The following TBCD variants were observed in gnomAD, a reference collection of about 807,000 sequenced individuals.
TBCD encodes tubulin folding cofactor D, also known as tubulin-specific chaperone D.
A neutral mutation model predicts 169.3 loss-of-function variants in TBCD; 105 were observed. The observed-to-expected ratio is 0.62, with a 90% CI of 0.53 to 0.73. The LOEUF (loss-of-function observed/expected upper bound fraction) is 0.73. Ranked by LOEUF, TBCD falls within the 30% of genes least tolerant of loss-of-function variation. The pLI, the probability that TBCD is intolerant of heterozygous loss-of-function variation, is 0.00. For synonymous variants in TBCD, 700 were observed against 643.9 expected (o/e 1.09, Z -1.32); for missense variants, 1,444 against 1,600.1 (o/e 0.90, Z 1.66).
intron 13 of TBCD, among the ~76,000 whole-genome samples, chr17:82,848,045 C>T (rs1285356387): frequency 1.3e-5 from 2 of 152,198 alleles, no homozygotes; most frequent in Non-Finnish European, 2.9e-5. Context: ...TCCAGGCTGT[C>T]TCTTGCCTGG....
chr17:82,802,943 G>A (rs1430832460), intron 9 of TBCD, among the ~76,000 whole-genome samples: 1 of 152,254 alleles, frequency 6.6e-6, no homozygotes, highest in African/African-American at 2.4e-5. Flanking sequence ...TGTGCGTGTT[G>A]CCACATACAC....
At chr17:82,823,744 T>C (rs769939630) in intron 13 of TBCD, among the ~76,000 whole-genome samples, 2 of 152,224 alleles carry the variant, frequency 1.3e-5, no homozygotes, top group Non-Finnish European at 2.9e-5. Context: ...TATAGTTCCA[T>C]GGTTTTTAGA....
At chr17:82,838,666 C>T (rs1002103012) in intron 13 of TBCD, 1 of 985,356 alleles carries the variant, frequency 1.0e-6, no homozygotes, top group Non-Finnish European at 1.2e-6. Context: ...TTGACTGCCA[C>T]TCCCTCCCAG....
rs200488393 is a variant in TBCD at position 82,806,050 on chromosome 17, C to A, written c.1087+39C>A. The A allele has an allele frequency of 8.4e-4, 1,348 of 1,599,564 alleles. 4 individuals are homozygous for A. Among genetic ancestry groups the A allele is most frequent in the South Asian group, 5.1e-3 (462 of 90,400 alleles). ...AAGCGGCGGCCTCTGCTCTTGGGCA[C>A]CGTCGGGCCAATTCCCCTCTACTCC... is the stretch of plus-strand genomic sequence containing the variant. On this transcript the variant is annotated intron_variant, in intron 10 of 38. Transcript: ENST00000355528. This position sits in a 1 kb window ranked among gnomAD's most constrained non-coding sequence, Gnocchi z 5.1.
chr17:82,920,312 T>G lies in TBCD; in HGVS notation c.2039-244T>G. 1.7e-6 allele frequency: 1 copy of G among 572,806 alleles called. No individual in the cohort carries two copies. The highest frequency in any genetic ancestry group is 2.9e-5 in the East Asian group (1 of 34,054). The allele number at this position is 572,806 out of a possible 1,614,324, so 35.5% of individuals were successfully genotyped here. A position where few individuals can be genotyped will look rare whatever the true frequency, so the allele number is the denominator to read the frequency against. On this transcript the variant is annotated intron_variant, in intron 23 of 38. Coordinates refer to ENST00000355528, the MANE Select transcript of TBCD (RefSeq NM_005993.5). This position sits in a 1 kb window ranked among gnomAD's most constrained non-coding sequence, Gnocchi z 4.1. ...GTGCACGTGGGCTCACACATGGGCC[T>G]TCTGCCACGTGGCTGGGTCTGCAGC... is the stretch of plus-strand genomic sequence containing the variant.
intron 12 of TBCD, 119 bp downstream of exon 12, chr17:82,809,901 CT>C: frequency 2.5e-5 from 21 of 851,822 alleles, no homozygotes; most frequent in East Asian, 5.6e-5. Context: ...TCCAGAAGCT[CT>C]TTTTTCCCCC....
intron 23 of TBCD, among the ~76,000 whole-genome samples, chr17:82,917,024 C>CTTTTTT (rs66678293): frequency 3.1e-5 from 4 of 130,886 alleles, no homozygotes; most frequent in African/African-American, 5.8e-5. Context: ...CTTTTCTTTT[C>CTTTTTT]TTTTTTTTTT....
At chr17:82,784,746 G>A (rs548121366) in intron 7 of TBCD, among the ~76,000 whole-genome samples, 7 of 152,238 alleles carry the variant, frequency 4.6e-5, no homozygotes, top group Admixed American at 3.9e-4. Context: ...CCAAGGACAC[G>A]CTCTTAGGTC....
chr17:82,927,968 T>G lies in TBCD; in HGVS notation c.2673T>G (p.Pro891=). 1 of 1,612,172 alleles carries G rather than the reference T, an allele frequency of 6.2e-7. No homozygotes were observed. The highest frequency in any genetic ancestry group is 8.5e-7 in the Non-Finnish European group (1 of 1,179,700). ...CACTTCTGCTGGCTCGGAGCCAGCC[T>G]GAGCTGATCGAGGCCCATACGTGAG... is the stretch of plus-strand genomic sequence containing the variant. The part of the protein sequence containing the change: ...DLTLLLARSQ[P]ELIEAHTCER... The change falls in exon 30 of 39, where the codon CCT becomes CCG. Residue 891 remains proline, a synonymous_variant. Coordinates refer to ENST00000355528, the MANE Select transcript of TBCD (RefSeq NM_005993.5).
At position 82,863,403 on chromosome 17, in the gene TBCD, C is replaced by A. The variant is rs550731272; in HGVS notation, c.1319-6821C>A. 3.3e-5 allele frequency among the ~76,000 whole-genome samples: 5 copies of A among 152,332 alleles called. No homozygotes were observed. The East Asian group carries it at 9.6e-4, about 29-fold the overall frequency. ...CCCTTCAGTGATGAGGGTGGCCAGG[C>A]TCCAGCCAGGTCCTAGGGAAAGCTC... On this transcript the variant is annotated intron_variant, in intron 13 of 38. Transcript: ENST00000355528.
chr17:82,814,823 A>C lies in TBCD; in HGVS notation c.1224-17A>C. On this transcript the variant is annotated splice_polypyrimidine_tract_variant and intron_variant, in intron 12 of 38. Transcript: ENST00000355528. ...CTGACACGTGGGCTGTGGTCTCAGG[A>C]TCTTTGTTGCTCTCAGTTTCCAGGA... is the stretch of plus-strand genomic sequence containing the variant. 1 of 1,613,578 alleles carries C rather than the reference A, an allele frequency of 6.2e-7. No homozygotes were observed. The highest frequency in any genetic ancestry group is 8.5e-7 in the Non-Finnish European group (1 of 1,179,682).
chr17:82,853,302 C>T (rs1422013133), intron 13 of TBCD, among the ~76,000 whole-genome samples: 1 of 151,974 alleles, frequency 6.6e-6, no homozygotes, highest in Non-Finnish European at 1.5e-5. Flanking sequence ...TGCCATGTAG[C>T]TGGTCTCAAA....
intron 18 of TBCD, among the ~76,000 whole-genome samples, chr17:82,901,126 A>G (rs1256810725): frequency 6.6e-6 from 1 of 152,258 alleles, no homozygotes; most frequent in Admixed American, 6.5e-5. Context: ...CTGGGAGCCC[A>G]GCAGTTCTTA....
intron 2 of TBCD, among the ~76,000 whole-genome samples, chr17:82,759,552 C>G (rs2047640372): frequency 1.3e-5 from 2 of 152,136 alleles, no homozygotes; most frequent in African/African-American, 4.8e-5. Flanking sequence ...TCTCGAACTT[C>G]TGGCCCCAAG....
intron 1 of TBCD, among the ~76,000 whole-genome samples, chr17:82,753,908 C>T (rs920356998): frequency 2.0e-5 from 3 of 149,838 alleles, no homozygotes; most frequent in East Asian, 4.0e-4. Flanking sequence ...CACTTTGTCC[C>T]CCAGGGTGGA....
chr17:82,937,024 C>G (rs758833154), intron 34 of TBCD, among the ~76,000 whole-genome samples: 63 of 152,170 alleles, frequency 4.1e-4, no homozygotes, highest in Non-Finnish European at 1.8e-4. Flanking sequence ...GGCTGCTGCA[C>G]CACAGGCAAG....
chr17:82,817,310 T>G (rs2052004501), intron 13 of TBCD, among the ~76,000 whole-genome samples: 1 of 150,576 alleles, frequency 6.6e-6, no homozygotes, highest in Non-Finnish European at 1.5e-5. Context: ...TTTTTTCTTT[T>G]TTTGAGACAG....
intron 13 of TBCD, among the ~76,000 whole-genome samples, chr17:82,836,333 A>G (rs1422695802): frequency 6.6e-6 from 1 of 152,230 alleles, no homozygotes; most frequent in Non-Finnish European, 1.5e-5. Flanking sequence ...CCATGATTGT[A>G]TAGGATGTGT....
intron 18 of TBCD, among the ~76,000 whole-genome samples, chr17:82,902,467 C>T (rs1326170214): frequency 2.0e-5 from 3 of 152,224 alleles, no homozygotes; most frequent in Non-Finnish European, 4.4e-5. Context: ...GAGTTGCAGG[C>T]GATGGTCTTC....
Sources: gnomAD v4.1 joint callset for allele counts (sites outside exome capture counted in the v4.1 genomes callset) on GRCh38, gnomAD v4.1.1 for gene constraint, Gnocchi (gnomAD v3.1) non-coding constraint, MANE v1.5 for transcripts, NCBI Gene and HGNC (gene_info 2026-07-23, HGNC 2026-07-21) for gene names.